SIAH3: variants seen among roughly 807,000 people sequenced by gnomAD.
SIAH3 encodes siah E3 ubiquitin protein ligase family member 3, also known as seven in absentia homolog 3.
In SIAH3, 9 loss-of-function variants were observed where a neutral mutation model predicts 12.6. The ratio of observed to expected loss-of-function variants is 0.72; its 90% CI spans 0.43 to 1.25. SIAH3 has a LOEUF of 1.25. Ranked by LOEUF, SIAH3 falls within the 50% of genes most tolerant of loss-of-function variation. The probability of loss-of-function intolerance (pLI) is 0.00; values close to 1 mark genes in which losing one functional copy is unlikely to be tolerated. For missense variants in SIAH3, 390 were observed against 365.4 expected (o/e 1.07, Z -0.55); for synonymous variants, 154 against 151.1 (o/e 1.02, Z -0.14).
At chr13:45,824,178 A>G (rs1950665707) in intron 1 of SIAH3, among the ~76,000 whole-genome samples, 1 of 152,232 alleles carries the variant, frequency 6.6e-6, no homozygotes, top group African/African-American at 2.4e-5. Context: ...GGTTTAAGTG[A>G]ACTTCAGTTA....
rs904589008 is a variant in SIAH3 at position 45,781,452 on chromosome 13, C to G, written c.*1931G>C. 1.8e-4 allele frequency: 27 copies of G among 152,218 alleles called. No individual in the cohort carries two copies. Among genetic ancestry groups the G allele is most frequent in the African/African-American group, 6.0e-4 (25 of 41,444 alleles). 9.4% of individuals were successfully genotyped at this position (152,218 alleles called of 1,614,324 possible). A position where few individuals can be genotyped will look rare whatever the true frequency, so the allele number is the denominator to read the frequency against. ...CACAGACGGACCAGCCTCAGGTGTT[C>G]TTGGGCATCTGTGTGATTGGAGGAG... On this transcript the variant is annotated 3_prime_UTR_variant, in exon 2 of 2. Coordinates refer to ENST00000400405, the MANE Select transcript of SIAH3 (RefSeq NM_198849.3).
At chr13:45,791,002 C>T (rs574084074) in intron 1 of SIAH3, among the ~76,000 whole-genome samples, 35 of 152,056 alleles carry the variant, frequency 2.3e-4, no homozygotes, top group African/African-American at 8.4e-4. Flanking sequence ...AGCAACATGA[C>T]CTCGTCTCTA....
At chr13:45,803,230 C>G (rs1950588325) in intron 1 of SIAH3, among the ~76,000 whole-genome samples, 1 of 152,186 alleles carries the variant, frequency 6.6e-6, no homozygotes, top group African/African-American at 2.4e-5. Context: ...AGTCCCTATT[C>G]AAATGCCTAA....
chr13:45,817,927 C>A (rs1950640154), intron 1 of SIAH3, among the ~76,000 whole-genome samples: 1 of 152,174 alleles, frequency 6.6e-6, no homozygotes, highest in Non-Finnish European at 1.5e-5. Context: ...GAGGAGAGAC[C>A]ACCTGCCTGT....
At chr13:45,820,949 C>T (rs568167449) in intron 1 of SIAH3, among the ~76,000 whole-genome samples, 1 of 152,328 alleles carries the variant, frequency 6.6e-6, no homozygotes, top group East Asian at 1.9e-4. Context: ...TGTCTCCTAC[C>T]AAGGTCTGTT....
At position 45,786,144 on chromosome 13, in the gene SIAH3, T is replaced by G. The variant is rs374701389; in HGVS notation, c.136-2087A>C. 9.2e-5 allele frequency among the ~76,000 whole-genome samples: 14 copies of G among 152,302 alleles called. No individual in the cohort carries two copies. The East Asian group carries it at 1.2e-3, about 13-fold the overall frequency. On this transcript the variant is annotated intron_variant, in intron 1 of 1. Transcript: ENST00000400405. ...GGGTTTCTCCCCTCTCCTGGGATCA[T>G]GCAGGAAGCCCAGGGCCCACACCTT...
rs1320692472 is a variant in SIAH3 at position 45,777,713 on chromosome 13, G to A, written c.*5670C>T. 2.0e-5 allele frequency: 3 copies of A among 152,202 alleles called. No homozygotes were observed. The highest frequency in any genetic ancestry group is 2.0e-4 in the Admixed American group (3 of 15,278). 9.4% of individuals were successfully genotyped at this position (152,202 alleles called of 1,614,324 possible). A position where few individuals can be genotyped will look rare whatever the true frequency, so the allele number is the denominator to read the frequency against. ...CTGAAATTTAACAATCTGACTAGGA[G>A]ACGCCACTCATGATGCTATTTGCAG... On this transcript the variant is annotated 3_prime_UTR_variant, in exon 2 of 2. Coordinates refer to ENST00000400405, the MANE Select transcript of SIAH3 (RefSeq NM_198849.3).
chr13:45,843,030 C>CTGTGTGTGTG, intron 1 of SIAH3, among the ~76,000 whole-genome samples: 1 of 64,524 alleles, frequency 1.5e-5, no homozygotes, highest in African/African-American at 4.7e-5. Flanking sequence ...CTCTCTCTCT[C>CTGTGTGTGTG]TCTCTGTGTG....
rs116010677 is a variant in SIAH3 at position 45,845,702 on chromosome 13, G to T, written c.135+5793C>A. On this transcript the variant is annotated intron_variant, in intron 1 of 1. Coordinates refer to ENST00000400405, the MANE Select transcript of SIAH3 (RefSeq NM_198849.3). ...GTTTCTCTTAAAAATGTAAATAAAG[G>T]TCTTAAAATTTTTAAATTTTTTTTC... 7.1e-3 allele frequency among the ~76,000 whole-genome samples: 1,073 copies of T among 152,142 alleles called. 12 individuals carry two copies. Among genetic ancestry groups the T allele is most frequent in the African/African-American group, 0.024 (997 of 41,492 alleles).
chr13:45,825,952 T>C (rs1381717346), intron 1 of SIAH3, among the ~76,000 whole-genome samples: 3 of 151,988 alleles, frequency 2.0e-5, no homozygotes, highest in African/African-American at 7.3e-5. Flanking sequence ...ATCTCTGCCT[T>C]CCTCCCCCTG....
In SIAH3 at chr13:45,783,359, G is replaced by A. The variant is rs753900676; in HGVS notation, c.*24C>T. On this transcript the variant is annotated 3_prime_UTR_variant, in exon 2 of 2. Transcript: ENST00000400405. ...CAGGCGTTTCCTAGGGAGGCTGTGT[G>A]GGGAGCATCCGTGGCTCCTGGCCTC... The A allele has an allele frequency of 1.3e-6, 2 of 1,591,232 alleles. No individual in the cohort carries two copies. The highest frequency in any genetic ancestry group is 1.7e-6 in the Non-Finnish European group (2 of 1,164,216).
chr13:45,789,599 G>A (rs1304078296), intron 1 of SIAH3, among the ~76,000 whole-genome samples: 1 of 152,134 alleles, frequency 6.6e-6, no homozygotes, highest in South Asian at 2.1e-4. Flanking sequence ...TAGGGACGGG[G>A]TTTCACCATG....
chr13:45,839,461 C>T (rs1950731463), intron 1 of SIAH3, among the ~76,000 whole-genome samples: 2 of 152,194 alleles, frequency 1.3e-5, no homozygotes, highest in South Asian at 4.1e-4. Context: ...GCACAAACTT[C>T]CTTTCCTTCA....
At chr13:45,802,739 T>C (rs1026689272) in intron 1 of SIAH3, among the ~76,000 whole-genome samples, 2 of 152,042 alleles carry the variant, frequency 1.3e-5, no homozygotes, top group African/African-American at 4.8e-5. Context: ...TTAATATGCA[T>C]TAGGCTAGAT....
In SIAH3 at chr13:45,787,063, G is replaced by A. The variant is rs1950530498; in HGVS notation, c.136-3006C>T. Reference sequence around the variant, plus strand: ...CTTCCTCTCTCCAATCTCTGCCAGTGCCTTCCATTGGTGAAACCCAAGCAG... The same window carrying A: ...CTTCCTCTCTCCAATCTCTGCCAGTACCTTCCATTGGTGAAACCCAAGCAG... On this transcript the variant is annotated intron_variant, in intron 1 of 1. Transcript: ENST00000400405. Among the ~76,000 whole-genome samples, 4 of 152,080 alleles carry A rather than the reference G, an allele frequency of 2.6e-5. No homozygotes were observed. In the South Asian group the frequency reaches 8.3e-4, roughly 32 times the overall value.
intron 1 of SIAH3, among the ~76,000 whole-genome samples, chr13:45,793,878 A>C (rs1253230253): frequency 6.6e-6 from 1 of 152,252 alleles, no homozygotes; most frequent in African/African-American, 2.4e-5. Context: ...AGATGAGATC[A>C]TTCTGTATTG....
At chr13:45,821,494 G>A (rs1471057516) in intron 1 of SIAH3, among the ~76,000 whole-genome samples, 1 of 152,186 alleles carries the variant, frequency 6.6e-6, no homozygotes, top group East Asian at 1.9e-4. Flanking sequence ...AAAGCCATTG[G>A]TTCTTAAAGG....
At chr13:45,839,603 T>G (rs998993332) in intron 1 of SIAH3, among the ~76,000 whole-genome samples, 2 of 152,024 alleles carry the variant, frequency 1.3e-5, no homozygotes, top group Non-Finnish European at 2.9e-5. Context: ...GAGGCCAAGG[T>G]GGGTGGATCA....
chr13:45,794,847 C>T (rs1220154886), intron 1 of SIAH3, among the ~76,000 whole-genome samples: 7 of 152,112 alleles, frequency 4.6e-5, no homozygotes, highest in Admixed American at 4.6e-4. Context: ...TAAGGAAATG[C>T]ACTCTCCATA....
Sources: allele counts gnomAD v4.1 joint callset (sites outside exome capture counted in the v4.1 genomes callset), GRCh38; gene constraint gnomAD v4.1.1; transcripts MANE v1.5; gene names NCBI Gene and HGNC (gene_info 2026-07-23, HGNC 2026-07-21).